MLLT10: variants seen among roughly 807,000 people sequenced by gnomAD.
MLLT10 encodes the protein protein AF-10.
Under a neutral mutation model 129.1 loss-of-function variants are expected in MLLT10, and 30 were observed. That is an observed-to-expected ratio of 0.23 (90% CI 0.17 to 0.32). MLLT10 has a LOEUF of 0.32. Among genes scored for constraint, MLLT10 ranks in the 10% least tolerant of loss-of-function variants. The pLI, the probability that MLLT10 is intolerant of heterozygous loss-of-function variation, is 1.00. For synonymous variants in MLLT10, 490 were observed against 446.4 expected, an observed-to-expected ratio of 1.10 and a Z score of -1.23; for missense variants, 1,119 against 1,268.3, an observed-to-expected ratio of 0.88 and a Z score of 1.79.
At chr10:21,681,241 A>C in intron 11 of MLLT10, 91 bp from the exon 12 acceptor site, 1,677 of 1,203,180 alleles carry the variant, frequency 1.4e-3, no homozygotes, top group Non-Finnish European at 1.8e-3. Flanking sequence ...TTTTAGGTGA[A>C]TTTCCCTCCA....
At chr10:21,551,819 G>A in intron 3 of MLLT10, 5 of 410,690 alleles carry the variant, frequency 1.2e-5, no homozygotes, top group Non-Finnish European at 1.9e-5. Flanking sequence ...TTTTTAGGCA[G>A]AGTCTCGCTC....
At chr10:21,711,053 C>G (rs1426137113) in intron 13 of MLLT10, among the ~76,000 whole-genome samples, 1 of 152,126 alleles carries the variant, frequency 6.6e-6, no homozygotes, top group Non-Finnish European at 1.5e-5. Context: ...TCACCAAGTC[C>G]TTAGAATTTA....
At chr10:21,655,808 G>GT (rs1179003142) in intron 9 of MLLT10, among the ~76,000 whole-genome samples, 1 of 152,176 alleles carries the variant, frequency 6.6e-6, no homozygotes, top group African/African-American at 2.4e-5. Context: ...TAAACAGTGG[G>GT]TTTCAGGGTC....
chr10:21,682,949 C>T (rs1183849330), intron 13 of MLLT10, among the ~76,000 whole-genome samples: 1 of 152,106 alleles, frequency 6.6e-6, no homozygotes, highest in Non-Finnish European at 1.5e-5. Flanking sequence ...TTTTCTTTTT[C>T]AGTTATTAAC....
chr10:21,584,372 C>T (rs2041787694), intron 3 of MLLT10, among the ~76,000 whole-genome samples: 1 of 147,690 alleles, frequency 6.8e-6, no homozygotes, highest in African/African-American at 2.5e-5. Flanking sequence ...ACCAGGTTGG[C>T]CAGGATGGTA....
At chr10:21,726,575 C>T (rs927886094) in intron 15 of MLLT10, among the ~76,000 whole-genome samples, 4 of 150,840 alleles carry the variant, frequency 2.7e-5, no homozygotes, top group African/African-American at 9.8e-5. Context: ...TATATCATAA[C>T]ATCAATTTGT....
At chr10:21,621,955 A>AT (rs1431928954) in intron 8 of MLLT10, among the ~76,000 whole-genome samples, 1 of 152,176 alleles carries the variant, frequency 6.6e-6, no homozygotes, top group Non-Finnish European at 1.5e-5. Flanking sequence ...AAATAACTTA[A>AT]TTTACAACTT....
chr10:21,634,843 G>T (rs1002124438), intron 8 of MLLT10, among the ~76,000 whole-genome samples: 2 of 152,096 alleles, frequency 1.3e-5, no homozygotes, highest in African/African-American at 4.8e-5. Context: ...TCCCACATTT[G>T]GCCAATGGGA....
chr10:21,570,312 A>G (rs547330062), intron 3 of MLLT10, among the ~76,000 whole-genome samples: 1 of 151,580 alleles, frequency 6.6e-6, no homozygotes, highest in Non-Finnish European at 1.5e-5. Context: ...GCCTGAAGTG[A>G]TTTTCCCACC....
At chr10:21,630,252 C>G (rs373259473) in intron 8 of MLLT10, among the ~76,000 whole-genome samples, 42 of 152,200 alleles carry the variant, frequency 2.8e-4, no homozygotes, top group African/African-American at 9.6e-4. Context: ...TGTAGTGGAA[C>G]TAGGGAAGGG....
intron 3 of MLLT10, among the ~76,000 whole-genome samples, chr10:21,562,049 G>T (rs1382401518): frequency 6.6e-6 from 1 of 152,052 alleles, no homozygotes; most frequent in African/African-American, 2.4e-5. Context: ...TGGTTGATCT[G>T]CCCGCCTCGG....
At chr10:21,721,087 T>G (rs2057099346) in intron 14 of MLLT10, among the ~76,000 whole-genome samples, 1 of 152,210 alleles carries the variant, frequency 6.6e-6, no homozygotes, top group South Asian at 2.1e-4. Context: ...AGCCTGAATA[T>G]TTTTGGAAGA....
intron 5 of MLLT10, among the ~76,000 whole-genome samples, chr10:21,601,090 T>G (rs2043483770): frequency 6.6e-6 from 1 of 152,056 alleles, no homozygotes; most frequent in Non-Finnish European, 1.5e-5. Flanking sequence ...ACTACAGGCA[T>G]GCACCATCAT....
At chr10:21,534,120 G>A, upstream of MLLT10, 1 of 310,774 alleles carries the variant, frequency 3.2e-6, no homozygotes, top group Non-Finnish European at 5.9e-6. Context: ...CGGCGCGGGG[G>A]AGGGGGACGG....
At chr10:21,582,002 A>G (rs896375152) in intron 3 of MLLT10, among the ~76,000 whole-genome samples, 1 of 152,212 alleles carries the variant, frequency 6.6e-6, no homozygotes, top group Non-Finnish European at 1.5e-5. Context: ...GGAATTTTTT[A>G]GTTCCATTTA....
chr10:21,542,807 G>C (rs953691264), intron 3 of MLLT10, among the ~76,000 whole-genome samples: 3 of 152,172 alleles, frequency 2.0e-5, no homozygotes, highest in African/African-American at 7.2e-5. Flanking sequence ...GATCCATTGA[G>C]CCTGTGAGTT....
chr10:21,740,490 CAT>C (rs1389806636), intron 22 of MLLT10, among the ~76,000 whole-genome samples: 10 of 152,192 alleles, frequency 6.6e-5, no homozygotes, highest in African/African-American at 2.4e-4. Context: ...GTTAGCAAGT[CAT>C]ATGGGACAAT....
intron 4 of MLLT10, among the ~76,000 whole-genome samples, chr10:21,592,063 G>T (rs1467656234): frequency 6.6e-6 from 1 of 152,052 alleles, no homozygotes; most frequent in Non-Finnish European, 1.5e-5. Flanking sequence ...AAACCATATA[G>T]ACTTCTTTTA....
intron 8 of MLLT10, chr10:21,625,676 T>A: frequency 1.3e-6 from 1 of 764,724 alleles, no homozygotes; most frequent in Non-Finnish European, 2.5e-6. Flanking sequence ...TTCTTTAGTC[T>A]TATTCTTCAG....
Sources: gnomAD v4.1 joint callset for allele counts (sites outside exome capture counted in the v4.1 genomes callset) on GRCh38, gnomAD v4.1.1 for gene constraint, MANE v1.5 for transcripts, NCBI Gene and HGNC (gene_info 2026-07-23, HGNC 2026-07-21) for gene names.